Variants in C13orf42 observed in about 807,000 individuals in gnomAD.
C13orf42 encodes the protein chromosome 13 open reading frame 42.
intron 1 of C13orf42, among the ~76,000 whole-genome samples, chr13:51,147,728 C>CAAAAAAAAACAAAA (rs1042760237): frequency 7.7e-5 from 2 of 25,952 alleles, no homozygotes; most frequent in African/African-American, 5.0e-4. Flanking sequence ...GACTGTGTCT[C>CAAAAAAAAACAAAA]AAAAAAAAAC....
At chr13:51,131,631 T>C (rs1023331174) in intron 1 of C13orf42, among the ~76,000 whole-genome samples, 1 of 152,216 alleles carries the variant, frequency 6.6e-6, no homozygotes, top group African/African-American at 2.4e-5. Flanking sequence ...AAAAAAGTCT[T>C]ATCTAAGATT....
intron 3 of C13orf42, among the ~76,000 whole-genome samples, chr13:51,084,555 T>C (rs899086612): frequency 1.3e-5 from 2 of 152,242 alleles, no homozygotes; most frequent in Non-Finnish European, 2.9e-5. Context: ...GTTGTGATTT[T>C]AATATGTCCA....
intron 1 of C13orf42, among the ~76,000 whole-genome samples, chr13:51,088,793 A>G (rs1953155109): frequency 6.6e-6 from 1 of 152,246 alleles, no homozygotes; most frequent in South Asian, 2.1e-4. Flanking sequence ...TGGTTGTTTG[A>G]AAAGTACAAG....
At chr13:51,144,514 C>CAAG (rs1555268296) in intron 1 of C13orf42, among the ~76,000 whole-genome samples, 101 of 151,974 alleles carry the variant, frequency 6.6e-4, no homozygotes, top group Middle Eastern at 3.4e-3. Flanking sequence ...AATCTGTTTT[C>CAAG]ATTTGTAACA....
chr13:51,166,421 C>T (rs1251547411), intron 1 of C13orf42, among the ~76,000 whole-genome samples: 1 of 119,410 alleles, frequency 8.4e-6, no homozygotes, highest in Non-Finnish European at 1.6e-5. Flanking sequence ...GGAAGGGGAA[C>T]ATCACACTGT....
chr13:51,154,276 G>A (rs186716671), intron 1 of C13orf42, among the ~76,000 whole-genome samples: 64 of 152,252 alleles, frequency 4.2e-4, no homozygotes, highest in Middle Eastern at 6.8e-3. Flanking sequence ...GCTATTGTAA[G>A]TAATGCTGCC....
At chr13:51,143,171 C>T (rs1267189455) in intron 1 of C13orf42, among the ~76,000 whole-genome samples, 1 of 152,104 alleles carries the variant, frequency 6.6e-6, no homozygotes, top group South Asian at 2.1e-4. Flanking sequence ...ACACTGACAG[C>T]AATTAAAGCC....
chr13:51,102,183 C>T (rs1030003057), intron 1 of C13orf42, among the ~76,000 whole-genome samples: 1 of 152,160 alleles, frequency 6.6e-6, no homozygotes, highest in African/African-American at 2.4e-5. Flanking sequence ...CTCCCCAGCC[C>T]CCGCCAGTAA....
At chr13:51,140,809 A>T (rs1300822332) in intron 1 of C13orf42, among the ~76,000 whole-genome samples, 2 of 152,256 alleles carry the variant, frequency 1.3e-5, no homozygotes, top group South Asian at 4.1e-4. Flanking sequence ...CTAGGATGGT[A>T]GAGACCATTC....
chr13:51,139,045 A>C (rs4942954), intron 1 of C13orf42, among the ~76,000 whole-genome samples: 28,076 of 152,126 alleles, frequency 0.18, 3,091 homozygotes, highest in South Asian at 0.31. Context: ...GGCCGGGTGC[A>C]GTAGTTCACA....
At chr13:51,103,175 C>T (rs377257275) in intron 1 of C13orf42, among the ~76,000 whole-genome samples, 2 of 152,162 alleles carry the variant, frequency 1.3e-5, no homozygotes, top group African/African-American at 2.4e-5. Context: ...CTGGCTCTGT[C>T]GCCAGCCTCC....
chr13:51,159,317 T>A (rs1484590136), intron 1 of C13orf42, among the ~76,000 whole-genome samples: 1 of 152,124 alleles, frequency 6.6e-6, no homozygotes, highest in Non-Finnish European at 1.5e-5. Context: ...TTGTTTTCAA[T>A]GACAGTGATT....
intron 1 of C13orf42, among the ~76,000 whole-genome samples, chr13:51,109,544 T>C (rs1020230478): frequency 5.9e-5 from 9 of 151,918 alleles, no homozygotes; most frequent in African/African-American, 1.9e-4. Flanking sequence ...AGGTCAGGAG[T>C]TTGAGACCAG....
Position 51,097,921 on chromosome 13 carries a change from A to G in C13orf42, c.415-9846T>C, listed in dbSNP as rs768061591. 3.2e-4 allele frequency among the ~76,000 whole-genome samples: 49 copies of G among 151,998 alleles called. 1 individual carries two copies. The highest frequency in any genetic ancestry group is 1.2e-3 in the African/African-American group (49 of 41,382). On this transcript the variant is annotated intron_variant, in intron 1 of 3. Coordinates refer to ENST00000563710, the MANE Select transcript of C13orf42 (RefSeq NM_001351589.3). ...CTTTCTCTAAGAGAATCTGTATCTTATTGCCAGCTCCACTCCAGTTTGCCT... is the reference window on the plus strand; with the variant it reads ...CTTTCTCTAAGAGAATCTGTATCTTGTTGCCAGCTCCACTCCAGTTTGCCT...
chr13:51,133,337 C>T (rs983956840), intron 1 of C13orf42, among the ~76,000 whole-genome samples: 1 of 152,044 alleles, frequency 6.6e-6, no homozygotes, highest in African/African-American at 2.4e-5. Context: ...CGGGGAGTTG[C>T]TATTTAATAG....
At chr13:51,134,354 G>A (rs1953640887) in intron 1 of C13orf42, among the ~76,000 whole-genome samples, 2 of 152,108 alleles carry the variant, frequency 1.3e-5, no homozygotes, top group South Asian at 4.2e-4. Context: ...TAATGAACTT[G>A]GCTTTGCCTT....
intron 1 of C13orf42, among the ~76,000 whole-genome samples, chr13:51,106,404 C>T (rs11148208): frequency 0.052 from 7,843 of 152,242 alleles, 384 homozygotes; most frequent in African/African-American, 0.13. Context: ...CTAAGGTGCA[C>T]ACTCTTGCAT....
At chr13:51,139,500 C>G (rs1348889457) in intron 1 of C13orf42, among the ~76,000 whole-genome samples, 1 of 152,066 alleles carries the variant, frequency 6.6e-6, no homozygotes, top group African/African-American at 2.4e-5. Context: ...AGGCTGAGAC[C>G]TGCTGGGCTG....
intron 1 of C13orf42, among the ~76,000 whole-genome samples, chr13:51,120,848 T>C (rs1363085939): frequency 6.6e-6 from 1 of 152,124 alleles, no homozygotes. Flanking sequence ...ACCCTGTCTC[T>C]ACTAAAAATA....
Sources: gnomAD v4.1 joint callset for allele counts (sites outside exome capture counted in the v4.1 genomes callset) on GRCh38, gnomAD v4.1.1 for gene constraint, MANE v1.5 for transcripts, NCBI Gene and HGNC (gene_info 2026-07-23, HGNC 2026-07-21) for gene names.